Variants in CYB5R4 observed in about 807,000 individuals in gnomAD.
CYB5R4 encodes the protein N-terminal cytochrome b5 and cytochrome b5 oxidoreductase domain-containing protein.
A neutral mutation model predicts 70.2 loss-of-function variants in CYB5R4; 55 were observed. The ratio of observed to expected loss-of-function variants is 0.78; its 90% CI spans 0.63 to 0.98. The LOEUF is 0.98. CYB5R4 is among the 50% of genes least tolerant of loss of function. CYB5R4 has a pLI of 0.00. For synonymous variants in CYB5R4, 197 were observed against 199.5 expected (o/e 0.99, Z 0.11); for missense variants, 562 against 612.6 (o/e 0.92, Z 0.87).
chr6:83,875,010 A>G (rs143497618), intron 2 of CYB5R4, among the ~76,000 whole-genome samples: 1,901 of 151,534 alleles, frequency 0.013, 44 homozygotes, highest in African/African-American at 0.043. Context: ...TTTAGTAGAG[A>G]TGGGGTTTCA....
intron 4 of CYB5R4, among the ~76,000 whole-genome samples, chr6:83,910,562 C>T (rs1026146171): frequency 6.6e-6 from 1 of 152,146 alleles, no homozygotes; most frequent in Non-Finnish European, 1.5e-5. Flanking sequence ...CAGACCTAAA[C>T]AGGAAGTGTG....
At chr6:83,929,457 CATCA>C (rs1358222705) in intron 10 of CYB5R4, 2 of 152,140 alleles carry the variant, frequency 1.3e-5, no homozygotes, top group Non-Finnish European at 1.5e-5. Context: ...TCAGAAAGAA[CATCA>C]ATCAGAGAAG....
At chr6:83,949,475 A>C (rs2099471185) in intron 14 of CYB5R4, among the ~76,000 whole-genome samples, 1 of 152,182 alleles carries the variant, frequency 6.6e-6, no homozygotes, top group Admixed American at 6.5e-5. Context: ...TTTCAGTTTT[A>C]GTAGTAAAGT....
chr6:83,865,300 A>G (rs966665913), intron 2 of CYB5R4, among the ~76,000 whole-genome samples: 3 of 152,188 alleles, frequency 2.0e-5, no homozygotes, highest in Non-Finnish European at 4.4e-5. Flanking sequence ...ACACCAATAA[A>G]TGCTGTATTA....
chr6:83,874,120 C>A (rs2099458108), intron 2 of CYB5R4, among the ~76,000 whole-genome samples: 1 of 92,376 alleles, frequency 1.1e-5, no homozygotes, highest in Non-Finnish European at 2.1e-5. Flanking sequence ...CCTCCCCTCC[C>A]CTCCTCTCCC....
intron 2 of CYB5R4, among the ~76,000 whole-genome samples, chr6:83,872,398 G>A (rs185947622): frequency 1.1e-4 from 16 of 152,314 alleles, no homozygotes; most frequent in Admixed American, 8.5e-4. Flanking sequence ...GGGTACTGAA[G>A]CTTAGAGAAT....
chr6:83,949,903 A>G (rs141616431), intron 14 of CYB5R4, among the ~76,000 whole-genome samples: 2 of 152,314 alleles, frequency 1.3e-5, no homozygotes, highest in Middle Eastern at 3.4e-3. Context: ...ATGAGTTAGC[A>G]TATGTAGGTT....
intron 2 of CYB5R4, among the ~76,000 whole-genome samples, chr6:83,869,644 C>T (rs1395933388): frequency 6.6e-6 from 1 of 152,182 alleles, no homozygotes; most frequent in East Asian, 1.9e-4. Flanking sequence ...ACCTGCCCAA[C>T]ATGGCAAAAC....
intron 14 of CYB5R4, among the ~76,000 whole-genome samples, chr6:83,947,707 AT>A (rs1190839206): frequency 2.6e-5 from 4 of 152,198 alleles, no homozygotes; most frequent in African/African-American, 9.6e-5. Context: ...AAGGAAAAAA[AT>A]CCCATCAGAA....
At chr6:83,949,402 A>G (rs965159751) in intron 14 of CYB5R4, among the ~76,000 whole-genome samples, 4 of 152,128 alleles carry the variant, frequency 2.6e-5, no homozygotes, top group Admixed American at 6.6e-5. Flanking sequence ...GCATTTAAGG[A>G]TCTTCATTTT....
Position 83,962,062 on chromosome 6 carries a change from G to T in CYB5R4, c.*2184G>T, listed in dbSNP as rs1441665807. ...AGTGACTAATTTGAGAATCAGCTGA[G>T]CTTCAGTTTTCAATATCCATTTACT... is the stretch of plus-strand genomic sequence containing the variant. On this transcript the variant is annotated 3_prime_UTR_variant, in exon 16 of 16. Transcript: ENST00000369681. 6.6e-6 allele frequency: 1 copy of T among 152,088 alleles called. No homozygotes were observed. The highest frequency in any genetic ancestry group is 2.4e-5 in the African/African-American group (1 of 41,420). 9.4% of individuals were successfully genotyped at this position (152,088 alleles called of 1,614,324 possible). A position where few individuals can be genotyped will look rare whatever the true frequency, so the allele number is the denominator to read the frequency against.
In CYB5R4 at chr6:83,881,147, G is replaced by A. The variant is rs141937472; in HGVS notation, c.230-12375G>A. Among the ~76,000 whole-genome samples the A allele has an allele frequency of 3.6e-3, 551 of 151,836 alleles. 1 individual carries two copies. The highest frequency in any genetic ancestry group is 0.012 in the African/African-American group (515 of 41,408). ...GTGAGATATGCCACAGAGGATTTGG[G>A]GATTATACTGCCTTTTTTTCTTTTT... On this transcript the variant is annotated intron_variant, in intron 2 of 15. Coordinates refer to ENST00000369681, the MANE Select transcript of CYB5R4 (RefSeq NM_016230.4).
At chr6:83,867,034 G>C (rs2099456837) in intron 2 of CYB5R4, among the ~76,000 whole-genome samples, 1 of 152,080 alleles carries the variant, frequency 6.6e-6, no homozygotes, top group South Asian at 2.1e-4. Context: ...TACAGAGTTT[G>C]GTCTTTTATT....
chr6:83,897,467 T>C (rs1035100155), intron 3 of CYB5R4, among the ~76,000 whole-genome samples: 4 of 152,174 alleles, frequency 2.6e-5, no homozygotes, highest in African/African-American at 9.7e-5. Context: ...TCTGAGGAAT[T>C]GCCACACTGA....
chr6:83,932,387 T>C (rs558911749), intron 10 of CYB5R4, among the ~76,000 whole-genome samples: 1 of 152,332 alleles, frequency 6.6e-6, no homozygotes, highest in African/African-American at 2.4e-5. Flanking sequence ...ATAGTTACTA[T>C]AGCAAACTTT....
Position 83,919,382 on chromosome 6 carries a change from A to G in CYB5R4, c.507-15A>G. The G allele has an allele frequency of 1.4e-6, 2 of 1,391,374 alleles. No individual in the cohort carries two copies. Among genetic ancestry groups the G allele is most frequent in the Non-Finnish European group, 2.0e-6 (2 of 1,011,322 alleles). 86.2% of individuals were successfully genotyped at this position (1,391,374 alleles called of 1,614,324 possible). A position where few individuals can be genotyped will look rare whatever the true frequency, so the allele number is the denominator to read the frequency against. On this transcript the variant is annotated splice_polypyrimidine_tract_variant and intron_variant, in intron 6 of 15. Transcript: ENST00000369681. ...TGTCAATATAATTATTCATCCTTTTATTTATATTTTACAGCTATGATTGGT... is the reference window on the plus strand; with the variant it reads ...TGTCAATATAATTATTCATCCTTTTGTTTATATTTTACAGCTATGATTGGT...
intron 2 of CYB5R4, among the ~76,000 whole-genome samples, chr6:83,866,423 C>T (rs188826411): frequency 2.6e-4 from 40 of 152,074 alleles, no homozygotes; most frequent in South Asian, 6.2e-4. Context: ...ATCCAAAGAC[C>T]GGAAATTTAA....
At chr6:83,889,908 C>T (rs1398840515) in intron 2 of CYB5R4, among the ~76,000 whole-genome samples, 4 of 152,092 alleles carry the variant, frequency 2.6e-5, no homozygotes, top group Non-Finnish European at 5.9e-5. Context: ...CCAGATTCTT[C>T]AGAACTCTCA....
intron 2 of CYB5R4, among the ~76,000 whole-genome samples, chr6:83,891,466 GA>G (rs1404521938): frequency 1.3e-5 from 2 of 151,852 alleles, no homozygotes; most frequent in African/African-American, 4.8e-5. Context: ...TTTTGAGAAG[GA>G]AAAAAAGGGA....
Sources: gnomAD v4.1 joint callset for allele counts (sites outside exome capture counted in the v4.1 genomes callset) on GRCh38, gnomAD v4.1.1 for gene constraint, MANE v1.5 for transcripts, NCBI Gene and HGNC (gene_info 2026-07-23, HGNC 2026-07-21) for gene names.